FGD3: variants seen among roughly 807,000 people sequenced by gnomAD.
FGD3 encodes the protein FYVE, RhoGEF and PH domain-containing protein 3.
FGD3 carries 45 observed loss-of-function variants against 71.8 expected under a neutral mutation model. The observed-to-expected ratio is 0.63, with a 90% CI of 0.49 to 0.80. The LOEUF is 0.80. Among genes scored for constraint, FGD3 ranks in the 30% least tolerant of loss-of-function variants. The pLI is 0.00. For synonymous variants in FGD3, 378 were observed against 392.8 expected, an observed-to-expected ratio of 0.96 and a Z score of 0.44; for missense variants, 844 against 951.5, an observed-to-expected ratio of 0.89 and a Z score of 1.49.
chr9:92,995,822 G>A (rs1321275152), intron 3 of FGD3, among the ~76,000 whole-genome samples: 3 of 151,966 alleles, frequency 2.0e-5, no homozygotes, highest in African/African-American at 7.3e-5. Flanking sequence ...CCAGGGATGA[G>A]GCCAACTTGA....
intron 3 of FGD3, among the ~76,000 whole-genome samples, chr9:92,988,346 G>A (rs1860268087): frequency 6.6e-6 from 1 of 152,208 alleles, no homozygotes; most frequent in Admixed American, 6.5e-5. Flanking sequence ...GGCATGCCCA[G>A]GCAAGACCCT....
rs994090775 is a variant in FGD3 at position 92,947,684 on chromosome 9, C to T, written c.-263C>T. 1 of 152,250 alleles carries T rather than the reference C, an allele frequency of 6.6e-6. No individual in the cohort carries two copies. The highest frequency in any genetic ancestry group is 6.5e-5 in the Admixed American group (1 of 15,278). The allele number at this position is 152,250 out of a possible 1,614,324, so 9.4% of individuals were successfully genotyped here. On this transcript the variant is annotated 5_prime_UTR_variant, in exon 1 of 18. Coordinates refer to ENST00000375482, the MANE Select transcript of FGD3 (RefSeq NM_001083536.2). ...TGTGCGGAGCTGGGGGAGCCTCCGG[C>T]TTTCCTGTTTGCTTTGTTAATTATT...
At chr9:93,034,722 C>T (rs1048386785) in intron 17 of FGD3, 41 bp downstream of exon 17, 2 of 1,593,684 alleles carry the variant, frequency 1.3e-6, no homozygotes, top group Admixed American at 3.5e-5. Flanking sequence ...GCCAGCAGCC[C>T]AGAGCCTCAG....
At position 93,007,045 on chromosome 9, in the gene FGD3, G is replaced by A. The variant is rs533654193; in HGVS notation, c.837+865G>A. 9.8e-4 allele frequency among the ~76,000 whole-genome samples: 146 copies of A among 148,556 alleles called. 1 individual carries two copies. The highest frequency in any genetic ancestry group is 3.4e-3 in the African/African-American group (138 of 40,398). ...CCCCGCCTGATCTTTTAACTTTATGGTGGTGTTTGCCATACAGAATTTTTT... is the reference window on the plus strand; with the variant it reads ...CCCCGCCTGATCTTTTAACTTTATGATGGTGTTTGCCATACAGAATTTTTT... On this transcript the variant is annotated intron_variant, in intron 6 of 17. Transcript: ENST00000375482.
Position 92,954,812 on chromosome 9 carries a change from C to G in FGD3, c.-218+7083C>G, listed in dbSNP as rs1182448966. On this transcript the variant is annotated intron_variant, in intron 1 of 17. Coordinates refer to ENST00000375482, the MANE Select transcript of FGD3 (RefSeq NM_001083536.2). ...TGCACCTTGGGCTGTGTCCTAGAGA[C>G]CAGCCACCTCAGCTGCATCTTGCTA... 2.0e-5 allele frequency among the ~76,000 whole-genome samples: 3 copies of G among 152,226 alleles called. No individual in the cohort carries two copies. In the East Asian group the frequency reaches 5.8e-4, roughly 29 times the overall value.
At chr9:92,960,628 A>G (rs553573729) in intron 1 of FGD3, among the ~76,000 whole-genome samples, 102 of 152,262 alleles carry the variant, frequency 6.7e-4, no homozygotes, top group Non-Finnish European at 1.2e-3. Flanking sequence ...GTGCCGTAAC[A>G]GTCCCAGGCT....
chr9:92,982,728 A>G (rs1371817150), intron 3 of FGD3, among the ~76,000 whole-genome samples: 1 of 151,902 alleles, frequency 6.6e-6, no homozygotes, highest in Non-Finnish European at 1.5e-5. Flanking sequence ...TAATATCACA[A>G]TCTCCAACGT....
intron 1 of FGD3, among the ~76,000 whole-genome samples, chr9:92,973,395 G>A (rs989977003): frequency 2.2e-4 from 33 of 152,248 alleles, no homozygotes; most frequent in East Asian, 9.6e-4. Context: ...GATTACAGGC[G>A]TGAGCCACTG....
intron 7 of FGD3, among the ~76,000 whole-genome samples, 178 bp downstream of exon 7, chr9:93,010,562 G>T (rs1861284480): frequency 6.6e-6 from 1 of 151,504 alleles, no homozygotes; most frequent in Non-Finnish European, 1.5e-5. Flanking sequence ...TGGAGACAGG[G>T]AGAGAGATAG....
chr9:92,990,610 T>C (rs1860369274), intron 3 of FGD3, among the ~76,000 whole-genome samples: 1 of 152,246 alleles, frequency 6.6e-6, no homozygotes, highest in Non-Finnish European at 1.5e-5. Flanking sequence ...ACCTAGTTTG[T>C]TGAGGGCGTT....
At chr9:93,032,912 G>A (rs375247374) in intron 16 of FGD3, 39 bp downstream of exon 16, 15 of 1,563,414 alleles carry the variant, frequency 9.6e-6, no homozygotes, top group South Asian at 2.2e-5. Flanking sequence ...CTGGTGGCGC[G>A]GCAGAGCCTC....
chr9:93,002,358 C>CA (rs1181321678), intron 3 of FGD3, among the ~76,000 whole-genome samples: 3 of 152,024 alleles, frequency 2.0e-5, no homozygotes, highest in Non-Finnish European at 4.4e-5. Flanking sequence ...CTGAGGCGGG[C>CA]AGATAGGTTG....
intron 3 of FGD3, among the ~76,000 whole-genome samples, chr9:92,987,046 G>T (rs1161995496): frequency 6.6e-6 from 1 of 152,216 alleles, no homozygotes; most frequent in Non-Finnish European, 1.5e-5. Flanking sequence ...GAGGTAGACA[G>T]TCCAGTGAGT....
chr9:92,979,791 G>A (rs1159969432), intron 3 of FGD3, among the ~76,000 whole-genome samples: 1 of 152,054 alleles, frequency 6.6e-6, no homozygotes, highest in Non-Finnish European at 1.5e-5. Context: ...ACTCATTATT[G>A]CTCTTTCAAA....
intron 1 of FGD3, among the ~76,000 whole-genome samples, chr9:92,958,150 C>T (rs1859098944): frequency 6.6e-6 from 1 of 151,976 alleles, no homozygotes; most frequent in Non-Finnish European, 1.5e-5. Flanking sequence ...AGGTGCGCAC[C>T]ACCATGCCCA....
At chr9:92,953,181 A>G (rs1858987039) in intron 1 of FGD3, among the ~76,000 whole-genome samples, 1 of 152,132 alleles carries the variant, frequency 6.6e-6, no homozygotes, top group African/African-American at 2.4e-5. Context: ...TTATTTTTTA[A>G]TGTATATCAT....
intron 1 of FGD3, among the ~76,000 whole-genome samples, chr9:92,956,560 C>T (rs952123451): frequency 5.3e-5 from 8 of 152,218 alleles, no homozygotes; most frequent in Non-Finnish European, 1.2e-4. Flanking sequence ...TGGCTGCCTA[C>T]AAGCCAGGGA....
intron 1 of FGD3, among the ~76,000 whole-genome samples, chr9:92,958,904 T>A (rs528017050): frequency 4.6e-5 from 7 of 152,372 alleles, no homozygotes; most frequent in Admixed American, 4.6e-4. Context: ...TTGATTTCCA[T>A]TGATTTATCC....
intron 14 of FGD3, among the ~76,000 whole-genome samples, chr9:93,023,215 G>C (rs988242757): frequency 6.6e-6 from 1 of 152,176 alleles, no homozygotes; most frequent in Non-Finnish European, 1.5e-5. Flanking sequence ...CCAGATGGCT[G>C]CCCTAGCCCC....
Sources: gnomAD v4.1 joint callset for allele counts (sites outside exome capture counted in the v4.1 genomes callset) on GRCh38, gnomAD v4.1.1 for gene constraint, MANE v1.5 for transcripts, NCBI Gene and HGNC (gene_info 2026-07-23, HGNC 2026-07-21) for gene names.